CPO: variants seen among roughly 807,000 people sequenced by gnomAD.
The protein encoded by CPO is metallocarboxypeptidase C.
CPO carries 43 observed loss-of-function variants against 41.2 expected under a neutral mutation model. The observed-to-expected ratio is 1.04, with a 90% CI of 0.82 to 1.35. CPO has a LOEUF of 1.35. CPO is among the 40% of genes most tolerant of loss of function. The probability of loss-of-function intolerance (pLI) is 0.00; values close to 1 mark genes in which losing one functional copy is unlikely to be tolerated. For missense variants in CPO, 408 were observed against 451.7 expected (o/e 0.90, Z 0.88); for synonymous variants, 178 against 162.7 (o/e 1.09, Z -0.72).
At position 206,960,895 on chromosome 2, in the gene CPO, C is replaced by T; in HGVS notation, c.527C>T (p.Thr176Ile). The part of the protein sequence containing the change: ...RKSRSPHNNG[T>I]CFGTDLNRNF... ...TCCCGTTCACCCCATAATAATGGCA[C>T]ATGTTTTGGGACGGATCTCAATCGA... is the stretch of plus-strand genomic sequence containing the variant. The change falls in exon 6 of 9, where the codon ACA (threonine) becomes ATA (isoleucine). Residue 176 changes from threonine (T) to isoleucine (I), a missense_variant. Thr to Ile is a moderately conservative substitution (Grantham distance 89). Coordinates refer to ENST00000272852, the MANE Select transcript of CPO (RefSeq NM_173077.3). 1 of 1,613,834 alleles carries T rather than the reference C, an allele frequency of 6.2e-7. No individual in the cohort carries two copies. Among genetic ancestry groups the T allele is most frequent in the Non-Finnish European group, 8.5e-7 (1 of 1,179,736 alleles).
chr2:206,941,604 G>T (rs141296464), intron 1 of CPO, among the ~76,000 whole-genome samples: 1 of 152,018 alleles, frequency 6.6e-6, no homozygotes, highest in African/African-American at 2.4e-5. Context: ...TCCATTGGAT[G>T]GTTCCTCATG....
At chr2:206,948,881 GATA>G (rs1693197735) in intron 1 of CPO, among the ~76,000 whole-genome samples, 1 of 152,170 alleles carries the variant, frequency 6.6e-6, no homozygotes, top group Non-Finnish European at 1.5e-5. Context: ...GACTTTGGGT[GATA>G]ATGATGTATC....
chr2:206,955,378 T>C, intron 2 of CPO, 85 bp from the exon 3 acceptor site: 1 of 816,106 alleles, frequency 1.2e-6, no homozygotes, highest in South Asian at 1.4e-5. Context: ...GAGTTCAATG[T>C]GTCAGTGAAA....
rs1239133629 is a variant in CPO at position 206,939,928 on chromosome 2, G to A, written c.68+261G>A. Among the ~76,000 whole-genome samples, 3 of 152,036 alleles carry A rather than the reference G, an allele frequency of 2.0e-5. No individual in the cohort carries two copies. The East Asian group carries it at 5.8e-4, about 29-fold the overall frequency. ...TATACAAATAGACATGTCATGTTTT[G>A]TGATTGGAAAAAGAAAATTGTAATA... is the stretch of plus-strand genomic sequence containing the variant. On this transcript the variant is annotated intron_variant, in intron 1 of 8. Transcript: ENST00000272852.
intron 3 of CPO, among the ~76,000 whole-genome samples, chr2:206,957,362 C>T (rs1237258045): frequency 2.8e-5 from 4 of 141,872 alleles, no homozygotes; most frequent in Non-Finnish European, 6.1e-5. Context: ...GGTGACAGAG[C>T]GAGACTCTGT....
chr2:206,947,257 A>G (rs1693162716), intron 1 of CPO, among the ~76,000 whole-genome samples: 1 of 152,180 alleles, frequency 6.6e-6, no homozygotes, highest in Admixed American at 6.5e-5. Context: ...GGGATCCCAT[A>G]AATAAACCTA....
chr2:206,956,099 C>T (rs1693352432), intron 3 of CPO, among the ~76,000 whole-genome samples: 1 of 152,114 alleles, frequency 6.6e-6, no homozygotes, highest in African/African-American at 2.4e-5. Flanking sequence ...GCGTCTCCTA[C>T]CCCTTTTGCA....
intron 7 of CPO, among the ~76,000 whole-genome samples, chr2:206,967,023 G>A (rs1265682239): frequency 1.3e-5 from 2 of 152,114 alleles, no homozygotes; most frequent in African/African-American, 2.4e-5. Context: ...GGCATCCGGG[G>A]AGCTGGTGCA....
rs773718065 is a variant in CPO at position 206,955,450 on chromosome 2, C to T, written c.166-13C>T. The T allele has an allele frequency of 1.3e-6, 2 of 1,508,614 alleles. No individual in the cohort carries two copies. The highest frequency in any genetic ancestry group is 1.1e-5 in the South Asian group (1 of 88,980). The allele number at this position is 1,508,614 out of a possible 1,614,324, so 93.5% of individuals were successfully genotyped here. ...TTCCTACTGATAGCCACAGTCCTCC[C>T]TTGCTGTTTCAGATCTATGAGTGGA... On this transcript the variant is annotated splice_polypyrimidine_tract_variant and intron_variant, in intron 2 of 8. Coordinates refer to ENST00000272852, the MANE Select transcript of CPO (RefSeq NM_173077.3).
Position 206,949,073 on chromosome 2 carries a change from C to CAA in CPO, c.69-531_69-530dup, listed in dbSNP as rs11284442. Among the ~76,000 whole-genome samples the CAA allele has an allele frequency of 9.4e-3, 932 of 99,198 alleles. 18 individuals carry two copies. The highest frequency in any genetic ancestry group is 0.028 in the African/African-American group (906 of 32,302). 65.1% of individuals were successfully genotyped at this position (99,198 alleles called of 152,430 possible). A position where few individuals can be genotyped will look rare whatever the true frequency, so the allele number is the denominator to read the frequency against. ...TTATTTTTAAAAAGATAAACCATTG[C>CAA]AAAAAAAAAAAAAAGATTAGTTCTC... On this transcript the variant is annotated intron_variant, in intron 1 of 8. Transcript: ENST00000272852.
intron 2 of CPO, among the ~76,000 whole-genome samples, chr2:206,953,404 C>T (rs1693302075): frequency 6.6e-6 from 1 of 152,248 alleles, no homozygotes; most frequent in Non-Finnish European, 1.5e-5. Flanking sequence ...AGGCCCCAAG[C>T]AAGTCCGAAA....
At chr2:206,955,067 G>A (rs779640172) in intron 2 of CPO, among the ~76,000 whole-genome samples, 12 of 152,120 alleles carry the variant, frequency 7.9e-5, no homozygotes, top group African/African-American at 1.2e-4. Flanking sequence ...AGATATCACC[G>A]GGATCTGTAA....
chr2:206,961,056 C>T (rs1056314791), intron 6 of CPO, 114 bp downstream of exon 6: 2 of 749,544 alleles, frequency 2.7e-6, no homozygotes, highest in Non-Finnish European at 4.6e-6. Context: ...GTACAGCTTT[C>T]TGGGCTTCCT....
chr2:206,952,477 T>A (rs893690682), intron 2 of CPO, among the ~76,000 whole-genome samples: 2 of 152,210 alleles, frequency 1.3e-5, no homozygotes, highest in Non-Finnish European at 2.9e-5. Flanking sequence ...AGAAATTGAT[T>A]GTAAGAGGTG....
chr2:206,940,971 T>C (rs1693018079), intron 1 of CPO, among the ~76,000 whole-genome samples: 1 of 152,084 alleles, frequency 6.6e-6, no homozygotes, highest in African/African-American at 2.4e-5. Context: ...TTCATGTACA[T>C]AGGGCATTTA....
Position 206,958,168 on chromosome 2 carries a change from C to T in CPO, c.268-133C>T, listed in dbSNP as rs971000019. ...TGTTGATGGGTGTCTCATTAGCATC[C>T]TTGCCTCCCTCTTGAAACCACAGAG... On this transcript the variant is annotated intron_variant, in intron 3 of 8. Transcript: ENST00000272852. The T allele has an allele frequency of 3.4e-5, 19 of 563,002 alleles. No homozygotes were observed. In the African/African-American group the frequency reaches 3.6e-4, roughly 11 times the overall value. The allele number at this position is 563,002 out of a possible 1,614,324, so 34.9% of individuals were successfully genotyped here.
chr2:206,958,201 A>G (rs1301449334), intron 3 of CPO, 100 bp from the exon 4 acceptor site: 2 of 605,242 alleles, frequency 3.3e-6, no homozygotes, highest in Non-Finnish European at 5.7e-6. Context: ...GAGTGGAGTG[A>G]AAAAGGAACC....
intron 1 of CPO, among the ~76,000 whole-genome samples, chr2:206,945,319 A>G (rs1693122663): frequency 9.7e-6 from 1 of 102,832 alleles, no homozygotes; most frequent in Non-Finnish European, 2.5e-5. Flanking sequence ...TTTGTACCCC[A>G]ACAGCTCCAA....
intron 1 of CPO, among the ~76,000 whole-genome samples, chr2:206,948,975 C>A (rs1031513930): frequency 6.6e-6 from 1 of 151,384 alleles, no homozygotes; most frequent in Non-Finnish European, 1.5e-5. Flanking sequence ...GTGAGAATAG[C>A]AGGTAAATGG....
Sources: allele counts gnomAD v4.1 joint callset (sites outside exome capture counted in the v4.1 genomes callset), GRCh38; gene constraint gnomAD v4.1.1; transcripts MANE v1.5; gene names NCBI Gene and HGNC (gene_info 2026-07-23, HGNC 2026-07-21).